UVRAG: variants seen among roughly 807,000 people sequenced by gnomAD.
The protein encoded by UVRAG is UV radiation resistance associated, also known as UV radiation resistance-associated gene protein.
In UVRAG, 19 loss-of-function variants were observed where a neutral mutation model predicts 78.0. The observed-to-expected ratio is 0.24, with a 90% CI of 0.17 to 0.36. The LOEUF (loss-of-function observed/expected upper bound fraction) is 0.36. Among genes scored for constraint, UVRAG ranks in the 10% least tolerant of loss-of-function variants. UVRAG has a pLI of 1.00. For missense variants in UVRAG, 740 were observed against 853.8 expected (o/e 0.87, Z 1.66); for synonymous variants, 323 against 324.6 (o/e 1.00, Z 0.05).
At chr11:76,055,164 C>T (rs1371893987) in intron 12 of UVRAG, among the ~76,000 whole-genome samples, 1 of 152,154 alleles carries the variant, frequency 6.6e-6, no homozygotes, top group Non-Finnish European at 1.5e-5. Flanking sequence ...CCTCCCACCT[C>T]AGCCTCCCAA....
chr11:76,114,044 G>A (rs973838227), intron 13 of UVRAG, among the ~76,000 whole-genome samples: 7 of 151,994 alleles, frequency 4.6e-5, no homozygotes, highest in African/African-American at 1.7e-4. Flanking sequence ...CTCACTCGGA[G>A]ACACATAGCT....
Position 75,879,847 on chromosome 11 carries a change from G to A in UVRAG, c.271-32G>A, listed in dbSNP as rs369117795. On this transcript the variant is annotated intron_variant, in intron 3 of 14. Transcript: ENST00000356136. ...GAAATAATCGTAAACAAATAGAGTTGTCCTAAAGCGTGTTTTCATTTTCAT... is the reference window on the plus strand; with the variant it reads ...GAAATAATCGTAAACAAATAGAGTTATCCTAAAGCGTGTTTTCATTTTCAT... 85 of 1,609,520 alleles carry A rather than the reference G, an allele frequency of 5.3e-5. No individual in the cohort carries two copies. In the South Asian group the frequency reaches 8.8e-4, roughly 17 times the overall value.
intron 2 of UVRAG, among the ~76,000 whole-genome samples, chr11:75,853,740 A>G (rs899441198): frequency 1.3e-5 from 2 of 151,544 alleles, no homozygotes; most frequent in Admixed American, 6.6e-5. Flanking sequence ...TAACCATTGC[A>G]TGGATTTATT....
intron 2 of UVRAG, among the ~76,000 whole-genome samples, chr11:75,857,593 G>A (rs1171295399): frequency 2.7e-5 from 4 of 150,328 alleles, no homozygotes; most frequent in Admixed American, 6.7e-5. Context: ...AGGTTCAAAC[G>A]ATTCGTCTGC....
Position 75,982,873 on chromosome 11 carries a change from G to A in UVRAG, c.700-514G>A, listed in dbSNP as rs553140533. 5.3e-5 allele frequency among the ~76,000 whole-genome samples: 8 copies of A among 152,292 alleles called. No homozygotes were observed. The South Asian group carries it at 1.2e-3, about 24-fold the overall frequency. ...TTTTATTACAAAATAATATTTGATTGTATGGATAGGCCACATTTTATTTAT... is the reference window on the plus strand; with the variant it reads ...TTTTATTACAAAATAATATTTGATTATATGGATAGGCCACATTTTATTTAT... On this transcript the variant is annotated intron_variant, in intron 7 of 14. Transcript: ENST00000356136.
chr11:76,141,260 A>G lies in UVRAG; in HGVS notation c.1947A>G (p.Leu649=), dbSNP rs780034678. The G allele has an allele frequency of 2.5e-6, 4 of 1,614,106 alleles. No individual in the cohort carries two copies. Among genetic ancestry groups the G allele is most frequent in the African/African-American group, 1.3e-5 (1 of 74,932 alleles). The change falls in exon 15 of 15, where the codon CTA becomes CTG. Residue 649 remains leucine, a synonymous_variant. Transcript: ENST00000356136. The part of the protein sequence containing the change: ...EATGFASGDQ[L]EAFNCIPVDS... ...CAGGTTTCGCCTCAGGTGATCAGCT[A>G]GAAGCATTTAACTGCATCCCAGTGG...
At chr11:75,973,016 G>A (rs868769896) in intron 7 of UVRAG, among the ~76,000 whole-genome samples, 4 of 152,194 alleles carry the variant, frequency 2.6e-5, no homozygotes, top group African/African-American at 2.4e-5. Flanking sequence ...TTCCCAACAC[G>A]TGTAGCTTTT....
chr11:76,087,232 T>C (rs1362677310), intron 13 of UVRAG, among the ~76,000 whole-genome samples: 1 of 152,242 alleles, frequency 6.6e-6, no homozygotes, highest in Non-Finnish European at 1.5e-5. Flanking sequence ...GTCAAACATA[T>C]TCTTGGTTAA....
intron 8 of UVRAG, among the ~76,000 whole-genome samples, chr11:75,989,884 A>G (rs1005750117): frequency 6.6e-6 from 1 of 152,230 alleles, no homozygotes; most frequent in Non-Finnish European, 1.5e-5. Context: ...CACAGCATGA[A>G]TCTTTGAGGG....
chr11:75,892,504 C>A lies in UVRAG; in HGVS notation c.507+3601C>A, dbSNP rs1011538911. The A allele has an allele frequency of 1.1e-5, 8 of 734,232 alleles. No homozygotes were observed. In the South Asian group the frequency reaches 4.9e-4, roughly 45 times the overall value. 45.5% of individuals were successfully genotyped at this position (734,232 alleles called of 1,614,324 possible). A position where few individuals can be genotyped will look rare whatever the true frequency, so the allele number is the denominator to read the frequency against. On this transcript the variant is annotated intron_variant, in intron 5 of 14. Transcript: ENST00000356136. ...TACCTTATTTAAACCTCACACTTGG[C>A]CTTTCATAGAAGAGGAAGTTGGCAC...
intron 5 of UVRAG, among the ~76,000 whole-genome samples, chr11:75,905,740 G>A (rs751867123): frequency 5.9e-5 from 9 of 151,746 alleles, no homozygotes; most frequent in Non-Finnish European, 1.0e-4. Context: ...CTCTTTTTTT[G>A]ACTGTTGTGA....
rs956421229 is a variant in UVRAG at position 76,050,364 on chromosome 11, T to C, written c.1227-15346T>C. Among the ~76,000 whole-genome samples, 4 of 152,366 alleles carry C rather than the reference T, an allele frequency of 2.6e-5. No individual in the cohort carries two copies. The South Asian group carries it at 6.2e-4, about 24-fold the overall frequency. On this transcript the variant is annotated intron_variant, in intron 12 of 14. Transcript: ENST00000356136. Reference sequence around the variant, plus strand: ...ATTCACAGAACTATATGTTACTTAGTTCTCCTTCAGTATTTACTTAATATA... The same window carrying C: ...ATTCACAGAACTATATGTTACTTAGCTCTCCTTCAGTATTTACTTAATATA...
chr11:76,056,581 C>G (rs1950989129), intron 12 of UVRAG, among the ~76,000 whole-genome samples: 1 of 152,128 alleles, frequency 6.6e-6, no homozygotes, highest in African/African-American at 2.4e-5. Flanking sequence ...GTTAAACTTA[C>G]TCTGCAGATC....
At chr11:76,079,606 A>G (rs982296252) in intron 13 of UVRAG, among the ~76,000 whole-genome samples, 2 of 152,232 alleles carry the variant, frequency 1.3e-5, no homozygotes, top group South Asian at 2.1e-4. Flanking sequence ...ATGTAAGTCC[A>G]ATACAATATG....
chr11:76,071,795 A>AG (rs1164202271), intron 13 of UVRAG, among the ~76,000 whole-genome samples: 3 of 152,134 alleles, frequency 2.0e-5, no homozygotes, highest in Non-Finnish European at 1.5e-5. Flanking sequence ...GTGGGAGATG[A>AG]GGGAAAAAAA....
chr11:75,895,096 A>G (rs1043155167), intron 5 of UVRAG, among the ~76,000 whole-genome samples: 1 of 152,234 alleles, frequency 6.6e-6, no homozygotes, highest in African/African-American at 2.4e-5. Flanking sequence ...AGTGTTTTAT[A>G]CAGAAGAGGA....
chr11:75,944,625 T>A (rs1343731665), intron 6 of UVRAG, among the ~76,000 whole-genome samples: 1 of 152,140 alleles, frequency 6.6e-6, no homozygotes, highest in Non-Finnish European at 1.5e-5. Context: ...TGGTTTTTCC[T>A]CTTGAGAATA....
chr11:76,122,494 T>C (rs1460162556), intron 14 of UVRAG, among the ~76,000 whole-genome samples: 7 of 152,230 alleles, frequency 4.6e-5, no homozygotes, highest in Admixed American at 4.6e-4. Flanking sequence ...AAGAATTAAA[T>C]AGGTAAGTAC....
chr11:75,922,768 C>T (rs1030967964), intron 6 of UVRAG, among the ~76,000 whole-genome samples: 1 of 151,474 alleles, frequency 6.6e-6, no homozygotes, highest in Admixed American at 6.6e-5. Flanking sequence ...GCCAACATGG[C>T]GAAACCCCGT....
Sources: gnomAD v4.1 joint callset for allele counts (sites outside exome capture counted in the v4.1 genomes callset) on GRCh38, gnomAD v4.1.1 for gene constraint, MANE v1.5 for transcripts, NCBI Gene and HGNC (gene_info 2026-07-23, HGNC 2026-07-21) for gene names.